The following ADCK1 variants were observed in gnomAD, a reference collection of about 807,000 sequenced individuals.
ADCK1 encodes the protein aarF domain containing kinase 1.
In ADCK1, 41 loss-of-function variants were observed where a neutral mutation model predicts 52.3. The ratio of observed to expected loss-of-function variants is 0.78; its 90% CI spans 0.61 to 1.02. The LOEUF (loss-of-function observed/expected upper bound fraction) is 1.02. ADCK1 is among the 50% of genes least tolerant of loss of function. The pLI, the probability that ADCK1 is intolerant of heterozygous loss-of-function variation, is 0.00. For synonymous variants in ADCK1, 250 were observed against 274.6 expected (o/e 0.91, Z 0.89); for missense variants, 658 against 679.5 (o/e 0.97, Z 0.35).
chr14:77,832,047 G>A (rs893122218), intron 3 of ADCK1, among the ~76,000 whole-genome samples: 1 of 151,244 alleles, frequency 6.6e-6, no homozygotes, highest in South Asian at 2.1e-4. Context: ...GCATGATCTC[G>A]GCTTACTGCA....
At chr14:77,907,080 A>AT (rs2083683077) in intron 6 of ADCK1, among the ~76,000 whole-genome samples, 1 of 151,906 alleles carries the variant, frequency 6.6e-6, no homozygotes, top group African/African-American at 2.4e-5. Flanking sequence ...TGCCTGGCTA[A>AT]TTTTTGTATT....
At chr14:77,902,911 C>A (rs1029447292) in intron 6 of ADCK1, among the ~76,000 whole-genome samples, 1 of 152,218 alleles carries the variant, frequency 6.6e-6, no homozygotes, top group Non-Finnish European at 1.5e-5. Flanking sequence ...GGAGCTAGGG[C>A]AACATCCCAG....
rs139355965 is a variant in ADCK1, at chr14:77,931,580, C to T, written c.1269C>T (p.His423=). 23 of 1,614,038 alleles carry T rather than the reference C, an allele frequency of 1.4e-5. No homozygotes were observed. Among genetic ancestry groups the T allele is most frequent in the Middle Eastern group, 1.6e-4 (1 of 6,062 alleles). ...CCCAGATCAGCCATCTCCTCAACCACGTGCCGCGCCAGATGCTGCTCATCT... is the reference window on the plus strand; with the variant it reads ...CCCAGATCAGCCATCTCCTCAACCATGTGCCGCGCCAGATGCTGCTCATCT... ...YLPQISHLLN[H]VPRQMLLILK... The change falls in exon 10 of 11, where the codon CAC becomes CAT. Residue 423 remains histidine, a synonymous_variant. Transcript: ENST00000238561.
chr14:77,841,299 G>T (rs571909589), intron 3 of ADCK1, among the ~76,000 whole-genome samples: 1 of 152,238 alleles, frequency 6.6e-6, no homozygotes, highest in South Asian at 2.1e-4. Context: ...ACTGGCACAG[G>T]TCAACGGAAC....
At chr14:77,806,543 G>A (rs927361161) in intron 1 of ADCK1, among the ~76,000 whole-genome samples, 3 of 152,092 alleles carry the variant, frequency 2.0e-5, no homozygotes, top group African/African-American at 7.2e-5. Flanking sequence ...GGAATCCAAG[G>A]GCTTTGGTCA....
intron 9 of ADCK1, among the ~76,000 whole-genome samples, chr14:77,930,158 G>T (rs1340075512): frequency 2.0e-5 from 3 of 152,170 alleles, no homozygotes; most frequent in East Asian, 1.9e-4. Flanking sequence ...CCTGTGGTGA[G>T]CAGGGGACTT....
At chr14:77,908,018 G>T (rs1057031147) in intron 7 of ADCK1, 99 bp downstream of exon 7, 1 of 949,418 alleles carries the variant, frequency 1.1e-6, no homozygotes, top group Admixed American at 2.1e-5. Flanking sequence ...TCAGAGTCTG[G>T]CCCCCTTGTC....
At chr14:77,897,995 T>C (rs2083448562) in intron 5 of ADCK1, among the ~76,000 whole-genome samples, 1 of 152,136 alleles carries the variant, frequency 6.6e-6, no homozygotes, top group Non-Finnish European at 1.5e-5. Flanking sequence ...ATTCCTCATC[T>C]ATAAAATGGG....
At chr14:77,839,987 G>T (rs900380279) in intron 3 of ADCK1, among the ~76,000 whole-genome samples, 6 of 151,610 alleles carry the variant, frequency 4.0e-5, no homozygotes, top group African/African-American at 1.5e-4. Flanking sequence ...GGTACTCGGG[G>T]CAGGGAATGG....
chr14:77,858,693 T>C (rs1378115812), intron 3 of ADCK1, among the ~76,000 whole-genome samples: 1 of 152,122 alleles, frequency 6.6e-6, no homozygotes, highest in Non-Finnish European at 1.5e-5. Flanking sequence ...ATAATTGGTA[T>C]GTCTGAGGGG....
At chr14:77,805,210 T>TAA (rs558205777) in intron 1 of ADCK1, among the ~76,000 whole-genome samples, 18 of 101,480 alleles carry the variant, frequency 1.8e-4, no homozygotes, top group African/African-American at 4.1e-4. Flanking sequence ...CTGTCTCATT[T>TAA]AAAAAAAAAA....
In ADCK1 at chr14:77,887,085, C is replaced by T. The variant is rs1029802855; in HGVS notation, c.424-6C>T. 1.7e-5 allele frequency: 26 copies of T among 1,573,244 alleles called. No homozygotes were observed. Among genetic ancestry groups the T allele is most frequent in the South Asian group, 3.6e-5 (3 of 83,840 alleles). On this transcript the variant is annotated splice_region_variant and splice_polypyrimidine_tract_variant and intron_variant, in intron 4 of 10. Transcript: ENST00000238561. ...TTCATTGCTCTGTTCTCTCCACTCC[C>T]GACAGATCCATGATTTGTTCCAGAG...
At chr14:77,805,310 G>T (rs2081200023) in intron 1 of ADCK1, among the ~76,000 whole-genome samples, 1 of 129,974 alleles carries the variant, frequency 7.7e-6, no homozygotes, top group Non-Finnish European at 1.6e-5. Context: ...TGCCCAGGCT[G>T]GAGTGTAGTG....
At chr14:77,880,219 G>A (rs1337346591) in intron 4 of ADCK1, among the ~76,000 whole-genome samples, 2 of 152,252 alleles carry the variant, frequency 1.3e-5, no homozygotes, top group African/African-American at 4.8e-5. Context: ...GGTCTGACCT[G>A]TGATGCCCTT....
intron 4 of ADCK1, among the ~76,000 whole-genome samples, chr14:77,870,510 A>G (rs2082753259): frequency 1.3e-5 from 2 of 152,118 alleles, no homozygotes; most frequent in Admixed American, 1.3e-4. Flanking sequence ...ATGGTGTAGG[A>G]CGGATGGAGG....
At chr14:77,909,111 C>T (rs1324004260) in intron 7 of ADCK1, among the ~76,000 whole-genome samples, 1 of 150,070 alleles carries the variant, frequency 6.7e-6, no homozygotes, top group Admixed American at 6.6e-5. Context: ...TGGGCCACGC[C>T]CAGTGGAGGT....
intron 3 of ADCK1, among the ~76,000 whole-genome samples, chr14:77,854,555 CTT>C (rs60062127): frequency 2.3e-5 from 3 of 128,588 alleles, no homozygotes; most frequent in Non-Finnish European, 4.8e-5. Context: ...TCGGAGTGGG[CTT>C]TTTTTTTTTT....
At chr14:77,855,413 A>C (rs1001098692) in intron 3 of ADCK1, among the ~76,000 whole-genome samples, 1 of 152,230 alleles carries the variant, frequency 6.6e-6, no homozygotes, top group Non-Finnish European at 1.5e-5. Flanking sequence ...GCCCAAGTCC[A>C]CCAGCTTCTA....
At chr14:77,858,738 A>G (rs954083066) in intron 3 of ADCK1, among the ~76,000 whole-genome samples, 3 of 152,164 alleles carry the variant, frequency 2.0e-5, no homozygotes, top group Non-Finnish European at 2.9e-5. Context: ...TGTCCCTTGA[A>G]TGAGTCATTA....
Sources: gnomAD v4.1 joint callset for allele counts (sites outside exome capture counted in the v4.1 genomes callset) on GRCh38, gnomAD v4.1.1 for gene constraint, MANE v1.5 for transcripts, NCBI Gene and HGNC (gene_info 2026-07-23, HGNC 2026-07-21) for gene names.